Variants in LRP1B observed in about 807,000 individuals in gnomAD.
The protein encoded by LRP1B is low-density lipoprotein receptor-related protein 1B.
LRP1B carries 217 observed loss-of-function variants against 556.6 expected under a neutral mutation model. The observed-to-expected ratio is 0.39, with a 90% confidence interval of 0.35 to 0.44. LRP1B has a LOEUF of 0.44. Ranked by LOEUF, LRP1B falls within the 20% of genes least tolerant of loss-of-function variation. The pLI, the probability that LRP1B is intolerant of heterozygous loss-of-function variation, is 1.00. For missense variants in LRP1B, 5,053 were observed against 5,620.8 expected, an observed-to-expected ratio of 0.90 and a Z score of 3.23; for synonymous variants, 2,047 against 1,865.8, an observed-to-expected ratio of 1.10 and a Z score of -2.50.
chr2:141,953,307 A>G (rs999981672), intron 1 of LRP1B, among the ~76,000 whole-genome samples: 14 of 152,126 alleles, frequency 9.2e-5, no homozygotes, highest in African/African-American at 3.4e-4. Context: ...TTCCTTTCCT[A>G]TTTATACAAT....
intron 59 of LRP1B, among the ~76,000 whole-genome samples, chr2:140,479,607 T>C (rs1230952054): frequency 1.3e-5 from 2 of 152,162 alleles, no homozygotes; most frequent in African/African-American, 4.8e-5. Context: ...GCTTTTACTA[T>C]TTTTCTCTGA....
At chr2:140,832,780 C>A (rs1460796478) in intron 31 of LRP1B, among the ~76,000 whole-genome samples, 1 of 151,918 alleles carries the variant, frequency 6.6e-6, no homozygotes, top group Non-Finnish European at 1.5e-5. Context: ...TTTGGACAAT[C>A]GGTACAAAAG....
chr2:140,440,429 C>T (rs1003087374), intron 66 of LRP1B, among the ~76,000 whole-genome samples: 4 of 152,076 alleles, frequency 2.6e-5, no homozygotes, highest in Admixed American at 1.3e-4. Flanking sequence ...CTGAGTCAAA[C>T]GATAAGGACT....
intron 1 of LRP1B, among the ~76,000 whole-genome samples, chr2:141,928,620 C>T (rs1700402788): frequency 6.6e-6 from 1 of 152,146 alleles, no homozygotes; most frequent in South Asian, 2.1e-4. Flanking sequence ...AACCATATCA[C>T]TCAGAGCTCA....
chr2:141,824,172 G>T (rs1324250837), intron 1 of LRP1B, among the ~76,000 whole-genome samples: 3 of 151,976 alleles, frequency 2.0e-5, no homozygotes, highest in African/African-American at 7.2e-5. Flanking sequence ...ATAAATAACA[G>T]CTATTGAATG....
intron 41 of LRP1B, among the ~76,000 whole-genome samples, chr2:140,622,600 C>T (rs1464709212): frequency 6.6e-6 from 1 of 152,056 alleles, no homozygotes; most frequent in Non-Finnish European, 1.5e-5. Flanking sequence ...TTCATACTTA[C>T]TACTAATTGC....
At chr2:141,214,194 A>T (rs1280661295) in intron 6 of LRP1B, among the ~76,000 whole-genome samples, 8 of 152,180 alleles carry the variant, frequency 5.3e-5, no homozygotes, top group Non-Finnish European at 1.2e-4. Context: ...CATAACTTCA[A>T]TTCTCCCAAG....
rs142060021 is a variant in LRP1B, at chr2:140,883,032, T to C, written c.4169+785A>G. On this transcript the variant is annotated intron_variant, in intron 25 of 90. Coordinates refer to ENST00000389484, the MANE Select transcript of LRP1B (RefSeq NM_018557.3). The stretch of plus-strand genomic sequence containing the variant: ...AGTTGCATATTATCTCCCATGTATA[T>C]CATCTCCTTAAAAACAACTGAAGGA... Among the ~76,000 whole-genome samples, 44 of 152,310 alleles carry C rather than the reference T, an allele frequency of 2.9e-4. 3 individuals are homozygous for C. The South Asian group carries it at 6.6e-3, about 23-fold the overall frequency.
At chr2:140,740,308 G>GTGTA (rs1688093649) in intron 35 of LRP1B, among the ~76,000 whole-genome samples, 1 of 152,150 alleles carries the variant, frequency 6.6e-6, no homozygotes, top group African/African-American at 2.4e-5. Context: ...TGTGGTATAT[G>GTGTA]TGTATGATGG....
intron 7 of LRP1B, among the ~76,000 whole-genome samples, chr2:141,124,895 G>T (rs1215246942): frequency 1.3e-5 from 2 of 152,078 alleles, no homozygotes; most frequent in African/African-American, 4.8e-5. Context: ...TATACAGAAA[G>T]ATTACAGAGT....
chr2:141,556,085 A>G (rs971647604), intron 2 of LRP1B, among the ~76,000 whole-genome samples: 1 of 151,844 alleles, frequency 6.6e-6, no homozygotes, highest in East Asian at 1.9e-4. Context: ...ATGGGTGATG[A>G]CCCGTGAGCC....
intron 43 of LRP1B, among the ~76,000 whole-genome samples, chr2:140,587,726 A>G (rs995064685): frequency 6.6e-6 from 1 of 152,214 alleles, no homozygotes; most frequent in Non-Finnish European, 1.5e-5. Flanking sequence ...TCCACAATAC[A>G]TACATATATC....
At chr2:141,816,284 T>A (rs1445636341) in intron 1 of LRP1B, among the ~76,000 whole-genome samples, 1 of 152,026 alleles carries the variant, frequency 6.6e-6, no homozygotes, top group Admixed American at 6.6e-5. Flanking sequence ...TTTGAGTCAG[T>A]GGATTGGGAG....
chr2:140,370,919 T>G (rs1278519103), intron 70 of LRP1B, 77 bp from the exon 71 acceptor site: 1 of 1,460,964 alleles, frequency 6.8e-7, no homozygotes, highest in Non-Finnish European at 9.5e-7. Context: ...ACATGCAGCT[T>G]GTAATACTAG....
intron 81 of LRP1B, among the ~76,000 whole-genome samples, chr2:140,323,621 A>C (rs1250687046): frequency 6.6e-6 from 1 of 151,970 alleles, no homozygotes; most frequent in Non-Finnish European, 1.5e-5. Context: ...AAATAAAAGA[A>C]TTTTAGAAAC....
At chr2:141,664,244 T>C (rs534225266) in intron 2 of LRP1B, among the ~76,000 whole-genome samples, 1 of 151,588 alleles carries the variant, frequency 6.6e-6, no homozygotes, top group Non-Finnish European at 1.5e-5. Context: ...TAACTCAAAA[T>C]AATAAGATTT....
At chr2:141,798,460 C>A (rs1273144940) in intron 2 of LRP1B, among the ~76,000 whole-genome samples, 2 of 152,006 alleles carry the variant, frequency 1.3e-5, no homozygotes, top group Non-Finnish European at 2.9e-5. Context: ...ATAATCCCAG[C>A]ACTTCTGGGG....
chr2:141,362,129 A>G (rs1423688212), intron 3 of LRP1B, among the ~76,000 whole-genome samples: 1 of 152,212 alleles, frequency 6.6e-6, no homozygotes, highest in Non-Finnish European at 1.5e-5. Flanking sequence ...TAAATTTAAT[A>G]TGCATCTTCT....
chr2:140,298,425 CAT>C (rs974325832), intron 83 of LRP1B, among the ~76,000 whole-genome samples: 3 of 152,104 alleles, frequency 2.0e-5, no homozygotes, highest in East Asian at 1.9e-4. Flanking sequence ...TTAGATTACA[CAT>C]GTTATAAATA....
Sources: gnomAD v4.1 joint callset for allele counts (sites outside exome capture counted in the v4.1 genomes callset) on GRCh38, gnomAD v4.1.1 for gene constraint, MANE v1.5 for transcripts, NCBI Gene and HGNC (gene_info 2026-07-23, HGNC 2026-07-21) for gene names.